Variants in MED13L observed in about 807,000 individuals in gnomAD.
The protein encoded by MED13L is mediator complex subunit 13L, also known as mediator of RNA polymerase II transcription subunit 13-like.
A neutral mutation model predicts 220.9 loss-of-function variants in MED13L; 7 were observed. The ratio of observed to expected loss-of-function variants is 0.03; its 90% CI spans 0.02 to 0.06. MED13L has a LOEUF of 0.06. MED13L is among the 10% of genes least tolerant of loss of function. MED13L has a pLI of 1.00. For synonymous variants in MED13L, 1,011 were observed against 1,015.2 expected, an observed-to-expected ratio of 1.00 and a Z score of 0.08; for missense variants, 1,965 against 2,760.5, an observed-to-expected ratio of 0.71 and a Z score of 6.46.
intron 1 of MED13L, among the ~76,000 whole-genome samples, chr12:116,243,249 AG>A (rs771055430): frequency 1.2e-4 from 19 of 152,186 alleles, no homozygotes; most frequent in Non-Finnish European, 2.8e-4. Flanking sequence ...AGGGGTAGTC[AG>A]GGTTCTCAGA....
At chr12:116,071,224 T>G (rs1165588874) in intron 4 of MED13L, among the ~76,000 whole-genome samples, 2 of 152,188 alleles carry the variant, frequency 1.3e-5, no homozygotes, top group South Asian at 4.1e-4. Flanking sequence ...TACATTTCAA[T>G]GTAGTTTGAG....
intron 4 of MED13L, among the ~76,000 whole-genome samples, chr12:116,043,807 C>T (rs1439014364): frequency 3.9e-5 from 6 of 152,180 alleles, no homozygotes; most frequent in African/African-American, 1.4e-4. Flanking sequence ...GATGCTCAAA[C>T]AGTGGGGAAG....
At chr12:116,272,625 C>T (rs1447000671) in intron 1 of MED13L, among the ~76,000 whole-genome samples, 1 of 151,938 alleles carries the variant, frequency 6.6e-6, no homozygotes, top group Non-Finnish European at 1.5e-5. Context: ...TAAATACATA[C>T]TATCCTAAAC....
At chr12:116,008,346 G>A in intron 10 of MED13L, 55 bp downstream of exon 10, 1 of 1,550,242 alleles carries the variant, frequency 6.5e-7, no homozygotes, top group Non-Finnish European at 8.7e-7. Flanking sequence ...TAGAGATGGG[G>A]AGGGAGCCCA....
chr12:116,091,625 A>G (rs1486186270), intron 4 of MED13L, among the ~76,000 whole-genome samples: 1 of 152,200 alleles, frequency 6.6e-6, no homozygotes, highest in Admixed American at 6.5e-5. Context: ...GCTACTTGTA[A>G]AAACTACTGC....
intron 16 of MED13L, among the ~76,000 whole-genome samples, chr12:115,992,568 G>T (rs1030712590): frequency 6.6e-6 from 1 of 152,176 alleles, no homozygotes; most frequent in African/African-American, 2.4e-5. Flanking sequence ...GAGTGACCAT[G>T]AGGGAATTAT....
chr12:116,069,210 G>A (rs936939050), intron 4 of MED13L, among the ~76,000 whole-genome samples: 8 of 152,096 alleles, frequency 5.3e-5, no homozygotes, highest in African/African-American at 1.4e-4. Context: ...ACTTGTTGGC[G>A]GCTGAACTCA....
intron 28 of MED13L, among the ~76,000 whole-genome samples, chr12:115,967,526 T>C (rs949134203): frequency 6.6e-6 from 1 of 152,230 alleles, no homozygotes; most frequent in Admixed American, 6.5e-5. Flanking sequence ...CCTCTGTTTC[T>C]TACACAACTA....
Position 116,277,304 on chromosome 12 carries a change from G to T in MED13L, c.-173C>A, listed in dbSNP as rs1486144918. 4.8e-4 allele frequency: 1 copy of T among 2,070 alleles called. No homozygotes were observed. Among genetic ancestry groups the T allele is most frequent in the African/African-American group, 0.01 (1 of 100 alleles). 0.1% of individuals were successfully genotyped at this position (2,070 alleles called of 1,614,324 possible). On this transcript the variant is annotated 5_prime_UTR_variant, in exon 1 of 31. Transcript: ENST00000281928. The stretch of plus-strand genomic sequence containing the variant: ...AGGCGGGAGGCGCCGCGGCGACGCC[G>T]CGCCGGGGGCAGCGGGCCCGGGCTG...
At chr12:115,998,925 T>G (rs1270326623) in intron 14 of MED13L, among the ~76,000 whole-genome samples, 1 of 151,954 alleles carries the variant, frequency 6.6e-6, no homozygotes, top group Non-Finnish European at 1.5e-5. Context: ...AAATCCCAAG[T>G]TGATCTTCAA....
chr12:116,012,405 A>C (rs1169544475), intron 9 of MED13L, among the ~76,000 whole-genome samples: 3 of 152,204 alleles, frequency 2.0e-5, no homozygotes, highest in African/African-American at 7.2e-5. Flanking sequence ...GCTAGCAACA[A>C]AACAAATTAT....
Position 116,019,978 on chromosome 12 carries a change from G to C in MED13L, c.626-6C>G. ...GCCATAAGGACTTACCAGTACTATGGAGGGGAGGAGAAATACATGCTAAAC... is the reference window on the plus strand; with the variant it reads ...GCCATAAGGACTTACCAGTACTATGCAGGGGAGGAGAAATACATGCTAAAC... On this transcript the variant is annotated splice_polypyrimidine_tract_variant and splice_region_variant and intron_variant, in intron 5 of 30. Transcript: ENST00000281928. 1 of 1,610,138 alleles carries C rather than the reference G, an allele frequency of 6.2e-7. No homozygotes were observed. Among genetic ancestry groups the C allele is most frequent in the South Asian group, 1.1e-5 (1 of 90,994 alleles).
chr12:116,253,666 T>G (rs1362735431), intron 1 of MED13L, among the ~76,000 whole-genome samples: 1 of 150,164 alleles, frequency 6.7e-6, no homozygotes, highest in Non-Finnish European at 1.5e-5. Context: ...TAATTCACCA[T>G]ATTAAAAGAA....
intron 1 of MED13L, among the ~76,000 whole-genome samples, chr12:116,266,634 AAT>A (rs1441132633): frequency 6.6e-6 from 1 of 152,252 alleles, no homozygotes; most frequent in East Asian, 1.9e-4. Context: ...TGAGTTTTAT[AAT>A]AGACCTAATT....
chr12:116,164,741 T>C (rs1879127391), intron 2 of MED13L, among the ~76,000 whole-genome samples: 2 of 152,210 alleles, frequency 1.3e-5, no homozygotes, highest in African/African-American at 2.4e-5. Context: ...CTTTTCAGAG[T>C]ATTGCTAGTT....
intron 3 of MED13L, among the ~76,000 whole-genome samples, chr12:116,100,414 C>A (rs2137834755): frequency 6.6e-6 from 1 of 151,630 alleles, no homozygotes; most frequent in South Asian, 2.1e-4. Context: ...GCCTGGCCAA[C>A]ATGGTAAAGC....
At position 115,990,242 on chromosome 12, in the gene MED13L, G is replaced by A. The variant is rs558006276; in HGVS notation, c.3934+778C>T. On this transcript the variant is annotated intron_variant, in intron 17 of 30. Coordinates refer to ENST00000281928, the MANE Select transcript of MED13L (RefSeq NM_015335.5). ...GAGCAAATGTTACTACTTCTACAAC[G>A]AAGTCTTCTCTGACCTTCAGCCTAG... 9.2e-5 allele frequency among the ~76,000 whole-genome samples: 14 copies of A among 152,242 alleles called. No homozygotes were observed. In the East Asian group the frequency reaches 9.6e-4, roughly 10 times the overall value.
chr12:116,082,177 T>C (rs545657537), intron 4 of MED13L, among the ~76,000 whole-genome samples: 1 of 152,350 alleles, frequency 6.6e-6, no homozygotes, highest in African/African-American at 2.4e-5. Flanking sequence ...ATTTTCCACT[T>C]ATTCTTTCTA....
At chr12:116,206,896 C>T (rs1428465261) in intron 2 of MED13L, among the ~76,000 whole-genome samples, 1 of 151,910 alleles carries the variant, frequency 6.6e-6, no homozygotes, top group East Asian at 1.9e-4. Context: ...TATATATCCC[C>T]CCCAAAACTC....
Sources: gnomAD v4.1 joint callset for allele counts (sites outside exome capture counted in the v4.1 genomes callset) on GRCh38, gnomAD v4.1.1 for gene constraint, MANE v1.5 for transcripts, NCBI Gene and HGNC (gene_info 2026-07-23, HGNC 2026-07-21) for gene names.